RIF1: variants seen among roughly 807,000 people sequenced by gnomAD.
The protein encoded by RIF1 is telomere-associated protein RIF1.
RIF1 carries 45 observed loss-of-function variants against 247.1 expected under a neutral mutation model. The observed-to-expected ratio is 0.18, with a 90% CI of 0.14 to 0.23. The LOEUF (loss-of-function observed/expected upper bound fraction) is 0.23, where lower values mean the gene tolerates loss of function less well. RIF1 is among the 10% of genes least tolerant of loss of function. The probability of loss-of-function intolerance (pLI) is 1.00; values close to 1 mark genes in which losing one functional copy is unlikely to be tolerated. For synonymous variants in RIF1, 1,087 were observed against 978.8 expected, an observed-to-expected ratio of 1.11 and a Z score of -2.06; for missense variants, 2,967 against 2,862.5, an observed-to-expected ratio of 1.04 and a Z score of -0.83.
intron 35 of RIF1, 127 bp from the exon 36 acceptor site, chr2:151,474,730 C>T (rs955047339): frequency 1.6e-6 from 1 of 640,048 alleles, no homozygotes. Flanking sequence ...TGTGCTTGTC[C>T]TCATGAAGAC....
At chr2:151,521,120 C>T in the RIF1 span, among the ~76,000 whole-genome samples, 14 of 152,228 alleles carry the variant, frequency 9.2e-5, no homozygotes, top group Non-Finnish European at 1.6e-4. Context: ...GAAAGACTCA[C>T]TAACACCAGT....
chr2:151,471,025 CTTTTTT>C (rs34599147), intron 34 of RIF1, among the ~76,000 whole-genome samples: 1 of 151,072 alleles, frequency 6.6e-6, no homozygotes, highest in South Asian at 2.1e-4. Flanking sequence ...AATTTTGAAT[CTTTTTT>C]TTTATCACCC....
the RIF1 span, chr2:151,530,918 A>G: frequency 1.1e-5 from 10 of 916,804 alleles, no homozygotes; most frequent in African/African-American, 3.3e-5. Context: ...GGAATAGATA[A>G]CTGGACCAGG....
intron 10 of RIF1, among the ~76,000 whole-genome samples, chr2:151,498,891 T>TTAAA (rs577381350): frequency 6.7e-6 from 1 of 150,220 alleles, no homozygotes; most frequent in Non-Finnish European, 1.5e-5. Context: ...GATAAGGTGC[T>TTAAA]AAAAAAAAGA....
At chr2:151,488,465 A>C (rs2053063164) in intron 9 of RIF1, among the ~76,000 whole-genome samples, 1 of 149,400 alleles carries the variant, frequency 6.7e-6, no homozygotes, top group Non-Finnish European at 1.5e-5. Context: ...TGGGCAACAT[A>C]GTGAGCCTCT....
intron 9 of RIF1, chr2:151,493,412 G>T: frequency 1.2e-6 from 2 of 1,608,088 alleles, no homozygotes; most frequent in Non-Finnish European, 1.7e-6. Context: ...ACAGGTGTCG[G>T]AGTTGCTTTT....
exon 11 of RIF1, chr2:151,499,348 T>C (rs1245754241): frequency 6.5e-7 from 1 of 1,547,074 alleles, no homozygotes; most frequent in Non-Finnish European, 8.7e-7. Flanking sequence ...TCTGGAGTGA[T>C]GGGGATTGGA....
rs763768832 is a variant in RIF1, at chr2:151,437,322, G to A, written c.1454G>A (p.Ser485Asn). The change falls in exon 13 of 36, where the codon AGC (serine) becomes AAC (asparagine). Residue 485 changes from serine to asparagine, a missense_variant. Physicochemically the swap from Ser to Asn is conservative, Grantham distance 46. Coordinates refer to ENST00000444746, the MANE Select transcript of RIF1 (RefSeq NM_018151.5). ...ACACTTATCACTGCTGTTCATGATA[G>A]CTTTGTTGCAGTTGGAAAAGATGCC... ...ANTLITAVHD[S>N]FVAVGKDAPD... 36 of 1,613,138 alleles carry A rather than the reference G, an allele frequency of 2.2e-5. No homozygotes were observed. The South Asian group carries it at 3.8e-4, about 17-fold the overall frequency.
chr2:151,447,120 T>C (rs1693437313), intron 20 of RIF1, among the ~76,000 whole-genome samples: 1 of 151,856 alleles, frequency 6.6e-6, no homozygotes, highest in African/African-American at 2.4e-5. Flanking sequence ...ATTTTTTGTA[T>C]TTTTAGTAGA....
chr2:151,430,151 G>T (rs1195845048), intron 9 of RIF1, among the ~76,000 whole-genome samples: 1 of 151,656 alleles, frequency 6.6e-6, no homozygotes, highest in African/African-American at 2.4e-5. Flanking sequence ...CTCCCGATTA[G>T]TTGGGATTAC....
intron 10 of RIF1, among the ~76,000 whole-genome samples, chr2:151,495,959 G>A (rs939583170): frequency 3.3e-5 from 5 of 152,090 alleles, no homozygotes; most frequent in South Asian, 2.1e-4. Context: ...ACACGTACCC[G>A]TCCTAAATTT....
chr2:151,429,537 A>T (rs1177274558), intron 9 of RIF1, among the ~76,000 whole-genome samples: 1 of 152,202 alleles, frequency 6.6e-6, no homozygotes, highest in Non-Finnish European at 1.5e-5. Context: ...TGTATATTTT[A>T]TTTAATCATC....
intron 33 of RIF1, 106 bp downstream of exon 33, chr2:151,468,862 C>CT: frequency 5.1e-6 from 4 of 782,912 alleles, no homozygotes; most frequent in Non-Finnish European, 8.6e-6. Flanking sequence ...GGCATGTACT[C>CT]TCACACACAT....
At position 151,467,971 on chromosome 2, in the gene RIF1, T is replaced by G. The variant is rs1281395226; in HGVS notation, c.6601-29T>G. The G allele has an allele frequency of 5.8e-6, 9 of 1,554,146 alleles. No individual in the cohort carries two copies. The African/African-American group carries it at 1.1e-4, about 19-fold the overall frequency. Reference sequence around the variant, plus strand: ...TAATTTTTTAAAAACTTTAATTTTGTTAAGTAAAATCCTGACCTGTGTTTT... The same window carrying G: ...TAATTTTTTAAAAACTTTAATTTTGGTAAGTAAAATCCTGACCTGTGTTTT... On this transcript the variant is annotated intron_variant, in intron 30 of 35. Transcript: ENST00000444746.
At chr2:151,493,254 T>C in intron 9 of RIF1, 3 of 927,164 alleles carry the variant, frequency 3.2e-6, no homozygotes, top group Non-Finnish European at 3.3e-6. Context: ...TTTAAAATTT[T>C]AGTGTGTTTT....
In RIF1 at chr2:151,464,847, C is replaced by T. The variant is rs936091621; in HGVS notation, c.5327C>T (p.Thr1776Ile). 10 of 1,606,980 alleles carry T rather than the reference C, an allele frequency of 6.2e-6. No homozygotes were observed. The highest frequency in any genetic ancestry group is 6.8e-6 in the Non-Finnish European group (8 of 1,178,278). Residue 1776 changes from threonine to isoleucine, a missense_variant, in exon 30 of 36, where the codon ACT becomes ATT. Around this residue, in one of 7 missense-constraint regions of RIF1, gnomAD observed 2,028 missense variants for 1,825.6 expected, o/e 1.11. Transcript: ENST00000444746. ...CAAGCACCTGTAAGCCCATCAGAAACTTCTCAAGCTAATCCATATTCTGAA... is the reference window on the plus strand; with the variant it reads ...CAAGCACCTGTAAGCCCATCAGAAATTTCTCAAGCTAATCCATATTCTGAA... Reference protein sequence around the residue: ...DVQAPVSPSETSQANPYSEGQ... With the variant: ...DVQAPVSPSEISQANPYSEGQ...
chr2:151,490,588 T>C, intron 9 of RIF1: 1 of 1,526,720 alleles, frequency 6.5e-7, no homozygotes, highest in Non-Finnish European at 8.9e-7. Flanking sequence ...CTAACAGTGA[T>C]TGAATCTCAG....
At chr2:151,514,106 C>T in the RIF1 span, among the ~76,000 whole-genome samples, 2 of 152,096 alleles carry the variant, frequency 1.3e-5, no homozygotes, top group African/African-American at 2.4e-5. Context: ...ATTATGATAA[C>T]CACTACAGAA....
chr2:151,410,619 GTTC>G, intron 2 of RIF1, 92 bp downstream of exon 2: 1 of 1,033,722 alleles, frequency 9.7e-7, no homozygotes, highest in East Asian at 2.5e-5. Context: ...ATGAATGTGA[GTTC>G]TAGAAGTCTA....
Sources: gnomAD v4.1 joint callset for allele counts (sites outside exome capture counted in the v4.1 genomes callset) on GRCh38, gnomAD v4.1.1 for gene constraint, gnomAD v4.1.1 regional missense constraint, MANE v1.5 for transcripts, NCBI Gene and HGNC (gene_info 2026-07-23, HGNC 2026-07-21) for gene names.